Variants in DPY19L2 observed in about 807,000 individuals in gnomAD.
DPY19L2 encodes the protein probable C-mannosyltransferase DPY19L2.
DPY19L2 carries 34 observed loss-of-function variants against 97.9 expected under a neutral mutation model. The ratio of observed to expected loss-of-function variants is 0.35; its 90% CI spans 0.26 to 0.46. The LOEUF (loss-of-function observed/expected upper bound fraction) is 0.46. Among genes scored for constraint, DPY19L2 ranks in the 20% least tolerant of loss-of-function variants. DPY19L2 has a pLI of 1.00. For missense variants in DPY19L2, 623 were observed against 911.4 expected, an observed-to-expected ratio of 0.68 and a Z score of 4.07; for synonymous variants, 230 against 307.9, an observed-to-expected ratio of 0.75 and a Z score of 2.65.
intron 4 of DPY19L2, among the ~76,000 whole-genome samples, chr12:63,656,667 A>T (rs1367580859): frequency 6.6e-6 from 1 of 151,894 alleles, no homozygotes; most frequent in Non-Finnish European, 1.5e-5. Context: ...TCCCACTGGG[A>T]TTCTAATTAT....
intron 8 of DPY19L2, among the ~76,000 whole-genome samples, chr12:63,623,616 C>T (rs887859903): frequency 3.9e-5 from 6 of 152,068 alleles, no homozygotes; most frequent in Non-Finnish European, 5.9e-5. Flanking sequence ...ATTTTCTTAA[C>T]TCTATACTCA....
intron 4 of DPY19L2, among the ~76,000 whole-genome samples, chr12:63,650,009 G>T (rs1368534521): frequency 6.6e-6 from 1 of 151,826 alleles, no homozygotes; most frequent in African/African-American, 2.4e-5. Context: ...ATGCAAGGGT[G>T]GTTCAACACA....
chr12:63,579,635 T>C (rs1043287443), intron 19 of DPY19L2, among the ~76,000 whole-genome samples: 3 of 151,822 alleles, frequency 2.0e-5, no homozygotes, highest in African/African-American at 7.3e-5. Context: ...TTGGGAAAAA[T>C]AGCTATAACT....
chr12:63,582,386 T>C lies in DPY19L2; in HGVS notation c.1725+20A>G. The C allele has an allele frequency of 6.2e-7, 1 of 1,605,266 alleles. No individual in the cohort carries two copies. The highest frequency in any genetic ancestry group is 8.5e-7 in the Non-Finnish European group (1 of 1,177,124). On this transcript the variant is annotated intron_variant, in intron 18 of 21. Transcript: ENST00000324472. ...TGCTATAGTTTTTATAGTATTGTTA[T>C]ACAAGAATGAATCCCTTACCTGTCG...
intron 12 of DPY19L2, among the ~76,000 whole-genome samples, chr12:63,604,015 C>T (rs984514817): frequency 6.6e-6 from 1 of 152,192 alleles, no homozygotes; most frequent in Admixed American, 6.5e-5. Context: ...ACAAACCTTA[C>T]AAAAGAACTT....
rs139372255 is a variant in DPY19L2 at position 63,566,819 on chromosome 12, T to A, written c.2126+2405A>T. Among the ~76,000 whole-genome samples, 498 of 151,904 alleles carry A rather than the reference T, an allele frequency of 3.3e-3. 2 individuals are homozygous for A. The highest frequency in any genetic ancestry group is 0.011 in the African/African-American group (476 of 41,546). On this transcript the variant is annotated intron_variant, in intron 21 of 21. Coordinates refer to ENST00000324472, the MANE Select transcript of DPY19L2 (RefSeq NM_173812.5). ...GGGAAAAAATGCCCAATACAATTGC[T>A]GGGTCTTAGGTTAGTTATATGTTTA...
intron 3 of DPY19L2, among the ~76,000 whole-genome samples, chr12:63,662,464 T>C (rs573398596): frequency 1.1e-4 from 17 of 151,578 alleles, no homozygotes; most frequent in Non-Finnish European, 1.6e-4. Context: ...ATATCTAATA[T>C]GCAAAAGACT....
chr12:63,628,881 GA>G (rs949292228), intron 6 of DPY19L2, among the ~76,000 whole-genome samples: 25 of 151,422 alleles, frequency 1.7e-4, no homozygotes, highest in African/African-American at 5.6e-4. Flanking sequence ...CCAGAGGAAT[GA>G]TCAGGCAGCA....
upstream of DPY19L2, chr12:63,668,743 A>C: frequency 1.7e-5 from 5 of 296,478 alleles, no homozygotes; most frequent in Admixed American, 9.7e-5. Context: ...CCAAGCCCAC[A>C]TGCGCAGTCC....
intron 19 of DPY19L2, among the ~76,000 whole-genome samples, chr12:63,578,572 T>C (rs558059775): frequency 6.6e-6 from 1 of 152,208 alleles, no homozygotes; most frequent in African/African-American, 2.4e-5. Flanking sequence ...ATCTACCCCA[T>C]AAATATATAC....
Position 63,569,263 on chromosome 12 carries a change from T to C in DPY19L2, c.2087A>G (p.Tyr696Cys), listed in dbSNP as rs1233022277. The C allele has an allele frequency of 2.5e-6, 4 of 1,601,938 alleles. No individual in the cohort carries two copies. In the Admixed American group the frequency reaches 5.1e-5, roughly 20 times the overall value. ...ACACCATGCCTCTTCTAAAACATAA[T>C]AATTCACATGTAACTCCAACAATTT... is the stretch of plus-strand genomic sequence containing the variant. ...RDKLLELHVN[Y>C]YVLEEAWCVV... The change falls in exon 21 of 22, where the codon TAT becomes TGT. Residue 696 changes from tyrosine to cysteine, a missense_variant. Physicochemically the swap from Tyr to Cys is radical, Grantham distance 194 (BLOSUM62 -2). Around this residue, in one of 6 missense-constraint regions of DPY19L2, gnomAD observed 294 missense variants for 446.2 expected, o/e 0.66. Coordinates refer to ENST00000324472, the MANE Select transcript of DPY19L2 (RefSeq NM_173812.5).
intron 4 of DPY19L2, among the ~76,000 whole-genome samples, chr12:63,657,505 C>A (rs1182724360): frequency 6.6e-6 from 1 of 152,130 alleles, no homozygotes; most frequent in African/African-American, 2.4e-5. Flanking sequence ...TTGGGGGCTG[C>A]ACCCTTCATA....
At chr12:63,608,545 T>C (rs1886434274) in intron 12 of DPY19L2, 71 bp downstream of exon 12, 9 of 1,290,734 alleles carry the variant, frequency 7.0e-6, no homozygotes, top group Non-Finnish European at 9.8e-6. Flanking sequence ...TTAAAGCATA[T>C]TAACTGTGTT....
At chr12:63,589,840 A>G (rs776835770) in intron 16 of DPY19L2, among the ~76,000 whole-genome samples, 3 of 152,086 alleles carry the variant, frequency 2.0e-5, no homozygotes, top group Non-Finnish European at 4.4e-5. Context: ...GCAAAAACAT[A>G]ACACATAGCC....
intron 9 of DPY19L2, among the ~76,000 whole-genome samples, chr12:63,618,945 G>C (rs1233274750): frequency 1.3e-5 from 2 of 152,080 alleles, no homozygotes; most frequent in African/African-American, 2.4e-5. Flanking sequence ...AATATGTTAT[G>C]CTTTGTTGGT....
chr12:63,578,322 AG>A (rs1361513497), intron 19 of DPY19L2, among the ~76,000 whole-genome samples: 2 of 150,826 alleles, frequency 1.3e-5, no homozygotes, highest in Non-Finnish European at 3.0e-5. Flanking sequence ...AAGGATAGTG[AG>A]GGGGTGGAGG....
At chr12:63,642,126 TA>T (rs1439142074) in intron 6 of DPY19L2, among the ~76,000 whole-genome samples, 1 of 152,156 alleles carries the variant, frequency 6.6e-6, no homozygotes, top group Non-Finnish European at 1.5e-5. Flanking sequence ...CTTCCCACTC[TA>T]ATATAAACTT....
chr12:63,590,645 G>A (rs1329908997), intron 16 of DPY19L2, among the ~76,000 whole-genome samples: 1 of 151,918 alleles, frequency 6.6e-6, no homozygotes, highest in Non-Finnish European at 1.5e-5. Context: ...AGAATAAGAA[G>A]AATACAATTC....
intron 4 of DPY19L2, among the ~76,000 whole-genome samples, chr12:63,659,089 G>A (rs1895342535): frequency 6.6e-6 from 1 of 151,900 alleles, no homozygotes; most frequent in African/African-American, 2.4e-5. Context: ...AACATTTAGG[G>A]TATATCTACT....
Sources: allele counts gnomAD v4.1 joint callset (sites outside exome capture counted in the v4.1 genomes callset), GRCh38; gene constraint gnomAD v4.1.1; regional missense constraint gnomAD v4.1.1; transcripts MANE v1.5; gene names NCBI Gene and HGNC (gene_info 2026-07-23, HGNC 2026-07-21).